KCNC2: variants seen among roughly 807,000 people sequenced by gnomAD.
KCNC2 encodes the protein voltage-gated potassium channel KCNC2.
KCNC2 carries 21 observed loss-of-function variants against 44.5 expected under a neutral mutation model. The ratio of observed to expected loss-of-function variants is 0.47; its 90% confidence interval spans 0.33 to 0.68. KCNC2 has a LOEUF of 0.68. Ranked by LOEUF, KCNC2 falls within the 30% of genes least tolerant of loss-of-function variation. KCNC2 has a pLI of 0.01. For synonymous variants in KCNC2, 391 were observed against 339.1 expected (o/e 1.15, Z -1.68); for missense variants, 589 against 826.2 (o/e 0.71, Z 3.52).
intron 2 of KCNC2, among the ~76,000 whole-genome samples, chr12:75,106,944 C>G (rs2137211660): frequency 6.6e-6 from 1 of 152,218 alleles, no homozygotes; most frequent in Non-Finnish European, 1.5e-5. Flanking sequence ...AGAATCAACA[C>G]TACTTTCTAT....
At chr12:75,206,701 G>A (rs1454636094) in intron 2 of KCNC2, among the ~76,000 whole-genome samples, 5 of 152,166 alleles carry the variant, frequency 3.3e-5, no homozygotes, top group African/African-American at 7.2e-5. Context: ...CGTCTCCCTT[G>A]GAAAGTGACA....
intron 2 of KCNC2, among the ~76,000 whole-genome samples, chr12:75,052,018 A>G (rs994544961): frequency 1.3e-5 from 2 of 152,128 alleles, no homozygotes; most frequent in Non-Finnish European, 2.9e-5. Context: ...TTCGAGTAAC[A>G]TACTATAAAG....
chr12:75,041,146 T>C lies in KCNC2; in HGVS notation c.*1959A>G. ...TCTGTTTCCAGTATAGTCCTTGGTA[T>C]GGCTAAATTCCACTGTCCCTTTCTC... On this transcript the variant is annotated 3_prime_UTR_variant, in exon 5 of 5. Transcript: ENST00000549446. 1 of 1,596,790 alleles carries C rather than the reference T, an allele frequency of 6.3e-7. No individual in the cohort carries two copies. The highest frequency in any genetic ancestry group is 8.5e-7 in the Non-Finnish European group (1 of 1,178,770).
intron 2 of KCNC2, among the ~76,000 whole-genome samples, chr12:75,166,456 A>T (rs1308033826): frequency 6.6e-6 from 1 of 151,002 alleles, no homozygotes; most frequent in Admixed American, 6.6e-5. Flanking sequence ...AAAAAAAAAA[A>T]AGTTAGACCT....
intron 4 of KCNC2, chr12:75,043,871 A>T: frequency 9.6e-7 from 1 of 1,041,722 alleles, no homozygotes; most frequent in Non-Finnish European, 1.4e-6. Context: ...AAATTAAGTC[A>T]TAATTTCAGT....
chr12:75,069,703 C>T (rs993699867), intron 2 of KCNC2, among the ~76,000 whole-genome samples: 1 of 152,130 alleles, frequency 6.6e-6, no homozygotes, highest in African/African-American at 2.4e-5. Flanking sequence ...AAAGCATGCC[C>T]TTCCTCACCT....
At chr12:75,187,410 A>T (rs923971317) in intron 2 of KCNC2, among the ~76,000 whole-genome samples, 1 of 152,222 alleles carries the variant, frequency 6.6e-6, no homozygotes, top group African/African-American at 2.4e-5. Flanking sequence ...ACACTGGAAA[A>T]TCAGTCTCAT....
At chr12:75,201,053 G>C (rs892288746) in intron 2 of KCNC2, among the ~76,000 whole-genome samples, 4 of 151,228 alleles carry the variant, frequency 2.6e-5, no homozygotes, top group African/African-American at 9.7e-5. Context: ...CTGAATCTTA[G>C]ACCTAAGAAA....
chr12:75,120,363 C>T (rs1459512675), intron 2 of KCNC2, among the ~76,000 whole-genome samples: 2 of 152,156 alleles, frequency 1.3e-5, no homozygotes, highest in Non-Finnish European at 2.9e-5. Context: ...AACCAGGAGT[C>T]ATAGACTCCC....
At chr12:75,179,669 C>A (rs1006017064) in intron 2 of KCNC2, among the ~76,000 whole-genome samples, 5 of 149,748 alleles carry the variant, frequency 3.3e-5, no homozygotes, top group Non-Finnish European at 7.4e-5. Flanking sequence ...ACTTTTATAT[C>A]TTTTATAAAA....
intron 2 of KCNC2, among the ~76,000 whole-genome samples, chr12:75,120,309 T>A (rs995799156): frequency 2.0e-5 from 3 of 152,224 alleles, no homozygotes; most frequent in Non-Finnish European, 2.9e-5. Flanking sequence ...TTCCTGGGCA[T>A]CTTGGCATTG....
chr12:75,047,330 A>T (rs965786709), intron 4 of KCNC2, among the ~76,000 whole-genome samples: 1 of 151,952 alleles, frequency 6.6e-6, no homozygotes, highest in East Asian at 1.9e-4. Flanking sequence ...GGAATAAAAA[A>T]CCTTTTAGGG....
chr12:75,114,723 T>C (rs868148002), intron 2 of KCNC2, among the ~76,000 whole-genome samples: 1 of 152,202 alleles, frequency 6.6e-6, no homozygotes. Context: ...TCACAAATAC[T>C]ACTTCACATC....
chr12:75,053,111 A>G (rs778882145), intron 2 of KCNC2, among the ~76,000 whole-genome samples: 3 of 152,180 alleles, frequency 2.0e-5, no homozygotes, highest in Non-Finnish European at 4.4e-5. Flanking sequence ...ACATTAAAAG[A>G]TAACCTTTCA....
At chr12:75,111,527 A>G (rs1887240964) in intron 2 of KCNC2, among the ~76,000 whole-genome samples, 1 of 152,058 alleles carries the variant, frequency 6.6e-6, no homozygotes, top group Non-Finnish European at 1.5e-5. Context: ...ATTGTATATC[A>G]ATAAGTATCC....
chr12:75,161,742 C>A (rs781024669), intron 2 of KCNC2, among the ~76,000 whole-genome samples: 12 of 151,658 alleles, frequency 7.9e-5, no homozygotes, highest in East Asian at 3.9e-4. Context: ...TCATGCAACA[C>A]TGCTTTTAAC....
intron 2 of KCNC2, among the ~76,000 whole-genome samples, chr12:75,194,133 G>A (rs2030551389): frequency 6.6e-6 from 1 of 152,092 alleles, no homozygotes; most frequent in East Asian, 1.9e-4. Flanking sequence ...GTTCAATAGT[G>A]TCCCTCAAAA....
chr12:75,157,422 T>G (rs554505725), intron 2 of KCNC2, among the ~76,000 whole-genome samples: 10 of 152,058 alleles, frequency 6.6e-5, no homozygotes, highest in African/African-American at 2.4e-4. Context: ...CCTCAGGATT[T>G]CTTGATGAAT....
At chr12:75,051,917 G>A (rs765446140) in intron 2 of KCNC2, among the ~76,000 whole-genome samples, 7 of 152,000 alleles carry the variant, frequency 4.6e-5, no homozygotes, top group Non-Finnish European at 8.8e-5. Context: ...ATTTAGGGAG[G>A]AAGAATAAAT....
Sources: allele counts gnomAD v4.1 joint callset (sites outside exome capture counted in the v4.1 genomes callset), GRCh38; gene constraint gnomAD v4.1.1; transcripts MANE v1.5; gene names NCBI Gene and HGNC (gene_info 2026-07-23, HGNC 2026-07-21).